Variants in CDH4 observed in about 807,000 individuals in gnomAD.
CDH4 encodes cadherin 4.
In CDH4, 33 loss-of-function variants were observed where a neutral mutation model predicts 86.0. That is an observed-to-expected ratio of 0.38 (90% confidence interval 0.29 to 0.51). The LOEUF is 0.51. Ranked by LOEUF, CDH4 falls within the 20% of genes least tolerant of loss-of-function variation. The pLI, the probability that CDH4 is intolerant of heterozygous loss-of-function variation, is 0.86. For missense variants in CDH4, 1,114 were observed against 1,307.4 expected (o/e 0.85, Z 2.28); for synonymous variants, 555 against 549.4 (o/e 1.01, Z -0.14).
intron 2 of CDH4, among the ~76,000 whole-genome samples, chr20:61,389,392 A>G (rs1256486460): frequency 6.6e-6 from 1 of 152,250 alleles, no homozygotes; most frequent in African/African-American, 2.4e-5. Flanking sequence ...GTGGTTACAC[A>G]TATCGCCCCC....
At chr20:61,841,231 C>T (rs575432582) in intron 4 of CDH4, among the ~76,000 whole-genome samples, 18 of 152,332 alleles carry the variant, frequency 1.2e-4, no homozygotes, top group Admixed American at 6.5e-4. Flanking sequence ...GCCAAAGCAG[C>T]GTCCATACTC....
rs144269814 is a variant in CDH4 at position 61,380,675 on chromosome 20, C to T, written c.169+125738C>T. ...TCACAAACTCAGACCCACTGTCACA[C>T]GATATGCATTTTAAAGACCATATGA... On this transcript the variant is annotated intron_variant, in intron 2 of 15. Coordinates refer to ENST00000614565, the MANE Select transcript of CDH4 (RefSeq NM_001794.5). 5.2e-3 allele frequency among the ~76,000 whole-genome samples: 785 copies of T among 152,246 alleles called. 6 individuals carry two copies. The highest frequency in any genetic ancestry group is 0.017 in the Middle Eastern group (5 of 294).
At chr20:61,346,253 G>C (rs1274840858) in intron 2 of CDH4, among the ~76,000 whole-genome samples, 1 of 151,652 alleles carries the variant, frequency 6.6e-6, no homozygotes, top group Admixed American at 6.6e-5. Flanking sequence ...ATAGTCAGGA[G>C]GTCCTAGAGG....
At chr20:61,634,107 C>T (rs1291983088) in intron 2 of CDH4, among the ~76,000 whole-genome samples, 1 of 152,186 alleles carries the variant, frequency 6.6e-6, no homozygotes, top group Non-Finnish European at 1.5e-5. Context: ...TTTACCTGAT[C>T]CAACTCAGTG....
chr20:61,423,978 TGCATGG>T (rs1383381854), intron 2 of CDH4, among the ~76,000 whole-genome samples: 1 of 152,158 alleles, frequency 6.6e-6, no homozygotes, highest in Non-Finnish European at 1.5e-5. Flanking sequence ...TGAACACGTG[TGCATGG>T]GCATGTGCAC....
intron 4 of CDH4, among the ~76,000 whole-genome samples, chr20:61,842,193 G>A (rs1420863156): frequency 6.6e-6 from 1 of 152,216 alleles, no homozygotes; most frequent in Non-Finnish European, 1.5e-5. Context: ...CTGGCGAGAA[G>A]CCAGCCCTCT....
intron 4 of CDH4, among the ~76,000 whole-genome samples, chr20:61,816,101 C>T (rs914942799): frequency 6.6e-6 from 1 of 152,300 alleles, no homozygotes; most frequent in Admixed American, 6.5e-5. Flanking sequence ...AGAAGGGCAG[C>T]TGGGGGGCCC....
intron 8 of CDH4, among the ~76,000 whole-genome samples, chr20:61,900,116 G>T (rs969742612): frequency 1.3e-5 from 2 of 152,180 alleles, no homozygotes; most frequent in Admixed American, 1.3e-4. Context: ...TCAGCGGGGG[G>T]GACTGGCTGG....
At chr20:61,713,684 T>C (rs557379727) in intron 2 of CDH4, among the ~76,000 whole-genome samples, 2 of 152,326 alleles carry the variant, frequency 1.3e-5, no homozygotes, top group South Asian at 4.1e-4. Context: ...CCCACTGCCC[T>C]GCTGTATCAT....
chr20:61,869,158 GTCTTCCC>G (rs2146141704), intron 6 of CDH4, among the ~76,000 whole-genome samples: 1 of 152,286 alleles, frequency 6.6e-6, no homozygotes, highest in Non-Finnish European at 1.5e-5. Context: ...ATACTTTAAG[GTCTTCCC>G]TTGGTAGAAC....
chr20:61,565,164 G>C (rs564365886), intron 2 of CDH4, among the ~76,000 whole-genome samples: 1 of 129,002 alleles, frequency 7.8e-6, no homozygotes, highest in East Asian at 2.2e-4. Context: ...GGTCCTCTTG[G>C]TGATGGGGTG....
intron 2 of CDH4, among the ~76,000 whole-genome samples, chr20:61,666,778 C>T (rs562810418): frequency 1.2e-4 from 18 of 152,324 alleles, no homozygotes; most frequent in African/African-American, 3.1e-4. Flanking sequence ...GGGAATCTGC[C>T]GGCCACAGTG....
intron 2 of CDH4, among the ~76,000 whole-genome samples, chr20:61,448,302 A>G (rs936892727): frequency 2.6e-5 from 4 of 152,228 alleles, no homozygotes; most frequent in African/African-American, 7.2e-5. Context: ...AGCGATGTTT[A>G]TGAAACAAAC....
chr20:61,839,312 CTGTG>C (rs1007550618), intron 4 of CDH4, among the ~76,000 whole-genome samples: 16 of 151,330 alleles, frequency 1.1e-4, no homozygotes, highest in African/African-American at 3.2e-4. Context: ...GTATTGTGTT[CTGTG>C]TGTGTGTGTT....
intron 2 of CDH4, among the ~76,000 whole-genome samples, chr20:61,316,521 G>C (rs1259457018): frequency 6.6e-6 from 1 of 152,220 alleles, no homozygotes; most frequent in Non-Finnish European, 1.5e-5. Context: ...TCAGGTTTCT[G>C]TCTCTCTCCC....
chr20:61,316,770 A>T (rs1276094098), intron 2 of CDH4, among the ~76,000 whole-genome samples: 3 of 152,104 alleles, frequency 2.0e-5, no homozygotes, highest in Non-Finnish European at 1.5e-5. Context: ...TTTTCGGGTG[A>T]GGGGAGTTTC....
At chr20:61,641,133 C>A (rs1377602668) in intron 2 of CDH4, among the ~76,000 whole-genome samples, 1 of 152,078 alleles carries the variant, frequency 6.6e-6, no homozygotes, top group Non-Finnish European at 1.5e-5. Flanking sequence ...CACAGGAAGG[C>A]GGCAGGATGG....
At chr20:61,639,526 C>T (rs1263235956) in intron 2 of CDH4, among the ~76,000 whole-genome samples, 1 of 152,242 alleles carries the variant, frequency 6.6e-6, no homozygotes, top group Non-Finnish European at 1.5e-5. Flanking sequence ...AATTTCTCCA[C>T]ATAACCTCTT....
chr20:61,612,091 AT>A (rs146168582), intron 2 of CDH4, among the ~76,000 whole-genome samples: 56 of 152,164 alleles, frequency 3.7e-4, no homozygotes, highest in East Asian at 2.7e-3. Context: ...GAATTTAAAA[AT>A]TTTTTTTGAG....
Sources: gnomAD v4.1 joint callset for allele counts (sites outside exome capture counted in the v4.1 genomes callset) on GRCh38, gnomAD v4.1.1 for gene constraint, MANE v1.5 for transcripts, NCBI Gene and HGNC (gene_info 2026-07-23, HGNC 2026-07-21) for gene names.